The following CEP152 variants were observed in gnomAD, a reference collection of about 807,000 sequenced individuals.
CEP152 encodes centrosomal protein 152, also known as centrosomal protein of 152 kDa.
CEP152 carries 132 observed loss-of-function variants against 188.9 expected under a neutral mutation model. That is an observed-to-expected ratio of 0.70 (90% CI 0.61 to 0.81). The LOEUF (loss-of-function observed/expected upper bound fraction) is 0.81. Ranked by LOEUF, CEP152 falls within the 30% of genes least tolerant of loss-of-function variation. CEP152 has a pLI of 0.00. For missense variants in CEP152, 1,914 were observed against 1,969.8 expected (o/e 0.97, Z 0.54); for synonymous variants, 649 against 666.6 (o/e 0.97, Z 0.41).
rs1319225086 is a variant in CEP152, at chr15:48,784,026, A to C, written c.1268T>G (p.Leu423Trp). The change falls in exon 10 of 27, where the codon TTG (leucine) becomes TGG (tryptophan). Residue 423 changes from leucine to tryptophan, a missense_variant. Physicochemically the swap from Leu to Trp is moderately conservative, Grantham distance 61. Transcript: ENST00000380950. ...TTGACTCTCCTCTAGACTTCTTGTCAACTTATTAATGATCTCAGTCTTTTC... is the reference window on the plus strand; with the variant it reads ...TTGACTCTCCTCTAGACTTCTTGTCCACTTATTAATGATCTCAGTCTTTTC... ...KLEKTEIINK[L>W]TRSLEESQKQ... 5 of 1,613,844 alleles carry C rather than the reference A, an allele frequency of 3.1e-6. No homozygotes were observed. Among genetic ancestry groups the C allele is most frequent in the Non-Finnish European group, 4.2e-6 (5 of 1,179,904 alleles).
chr15:48,738,198 C>T lies in CEP152; in HGVS notation c.*51G>A, dbSNP rs531632293. Reference sequence around the variant, plus strand: ...AATTTTTTTCAGTATGAGGTCTTCCCTTCCATTTTTGTTAATATATTAATG... The same window carrying T: ...AATTTTTTTCAGTATGAGGTCTTCCTTTCCATTTTTGTTAATATATTAATG... On this transcript the variant is annotated 3_prime_UTR_variant, in exon 27 of 27. Transcript: ENST00000380950. 1,633 of 1,532,998 alleles carry T rather than the reference C, an allele frequency of 1.1e-3. 8 individuals carry two copies. Among genetic ancestry groups the T allele is most frequent in the Non-Finnish European group, 1.3e-3 (1,513 of 1,138,374 alleles). 95.0% of individuals were successfully genotyped at this position (1,532,998 alleles called of 1,614,324 possible).
At chr15:48,776,694 T>C (rs1011473301) in intron 12 of CEP152, among the ~76,000 whole-genome samples, 2 of 152,114 alleles carry the variant, frequency 1.3e-5, no homozygotes, top group African/African-American at 4.8e-5. Flanking sequence ...GATTTCAGAA[T>C]ATACTAGTAA....
intron 21 of CEP152, among the ~76,000 whole-genome samples, 161 bp from the exon 22 acceptor site, chr15:48,748,771 C>T (rs1343251404): frequency 6.6e-6 from 1 of 151,216 alleles, no homozygotes; most frequent in African/African-American, 2.4e-5. Flanking sequence ...CATGGGTTTA[C>T]ATATTGTTTC....
intron 15 of CEP152, 96 bp from the exon 16 acceptor site, chr15:48,767,559 T>C (rs913035885): frequency 6.5e-7 from 1 of 1,534,372 alleles, no homozygotes; most frequent in East Asian, 2.3e-5. Flanking sequence ...TTCCCTCTAA[T>C]GCAAATTATA....
chr15:48,772,018 G>C (rs532712654), intron 13 of CEP152, among the ~76,000 whole-genome samples: 1 of 152,120 alleles, frequency 6.6e-6, no homozygotes, highest in Admixed American at 6.5e-5. Context: ...CCTAAGTCAG[G>C]GACTGTCAGT....
intron 8 of CEP152, 106 bp from the exon 9 acceptor site, chr15:48,789,107 G>C (rs1399903810): frequency 5.8e-6 from 6 of 1,037,442 alleles, no homozygotes; most frequent in Non-Finnish European, 7.3e-6. Context: ...ACTCAAGCAT[G>C]TTTTAATGAG....
intron 10 of CEP152, among the ~76,000 whole-genome samples, chr15:48,782,816 T>G (rs1462447631): frequency 1.3e-5 from 2 of 152,144 alleles, no homozygotes; most frequent in Non-Finnish European, 2.9e-5. Context: ...TGGGAAATGA[T>G]TAAGTGAAGC....
chr15:48,799,942 T>A (rs1897571340), intron 2 of CEP152, among the ~76,000 whole-genome samples: 1 of 152,200 alleles, frequency 6.6e-6, no homozygotes, highest in African/African-American at 2.4e-5. Flanking sequence ...TATACTTACA[T>A]TAAGTAAAGA....
At chr15:48,753,266 T>C (rs1894009856) in intron 20 of CEP152, among the ~76,000 whole-genome samples, 1 of 152,206 alleles carries the variant, frequency 6.6e-6, no homozygotes, top group Non-Finnish European at 1.5e-5. Flanking sequence ...ACCCTCGTGA[T>C]CCGCCTGCTT....
intron 23 of CEP152, 93 bp downstream of exon 23, chr15:48,744,803 C>T: frequency 5.2e-6 from 6 of 1,156,294 alleles, no homozygotes; most frequent in Non-Finnish European, 7.3e-6. Context: ...ATACTTTTTG[C>T]TGTATAACAA....
At chr15:48,737,224 G>C (rs1005644987), downstream of CEP152, among the ~76,000 whole-genome samples, 6 of 152,152 alleles carry the variant, frequency 3.9e-5, no homozygotes, top group Non-Finnish European at 7.3e-5. Context: ...ATCTGGCTCT[G>C]GGTGGAAAAA....
At position 48,760,260 on chromosome 15, in the gene CEP152, T is replaced by G; in HGVS notation, c.2569A>C (p.Ile857Leu). ...HCENITKQVE[I>L]AVQNAHQRWL... ...CGCTGATGAGCATTTTGCACAGCTA[T>G]TTCTACCTGTAGGACATTGCAAAAG... The change falls in exon 19 of 27, where the codon ATA (isoleucine) becomes CTA (leucine). Residue 857 changes from isoleucine to leucine, a missense_variant. By Grantham distance (5) the Ile-to-Leu change is conservative. Coordinates refer to ENST00000380950, the MANE Select transcript of CEP152 (RefSeq NM_001194998.2). 1 of 1,614,036 alleles carries G rather than the reference T, an allele frequency of 6.2e-7. No homozygotes were observed. Among genetic ancestry groups the G allele is most frequent in the Non-Finnish European group, 8.5e-7 (1 of 1,179,948 alleles).
chr15:48,761,807 A>G (rs1894709018), intron 18 of CEP152, among the ~76,000 whole-genome samples: 1 of 152,200 alleles, frequency 6.6e-6, no homozygotes, highest in African/African-American at 2.4e-5. Flanking sequence ...TTCTGTCACA[A>G]TAGGCTGTAC....
intron 20 of CEP152, among the ~76,000 whole-genome samples, chr15:48,755,268 G>A: frequency 6.6e-6 from 1 of 152,100 alleles, no homozygotes; most frequent in East Asian, 1.9e-4. Flanking sequence ...TTTTATGCGA[G>A]TGAGTCGTAT....
intron 19 of CEP152, 66 bp from the exon 20 acceptor site, chr15:48,756,619 G>A: frequency 7.3e-6 from 11 of 1,497,322 alleles, no homozygotes; most frequent in African/African-American, 4.1e-5. Flanking sequence ...AAAAAATTAA[G>A]GTAACTATTT....
intron 7 of CEP152, 143 bp downstream of exon 7, chr15:48,793,178 G>A (rs965938134): frequency 2.0e-5 from 18 of 887,798 alleles, no homozygotes; most frequent in Non-Finnish European, 3.0e-5. Context: ...AGAAATCCTG[G>A]GTTTTGTTTT....
In CEP152 at chr15:48,756,227, T is replaced by C; in HGVS notation, c.3021A>G (p.Glu1007=). Residue 1007 remains glutamate (E), a synonymous_variant, in exon 20 of 27, where the codon GAA becomes GAG. Coordinates refer to ENST00000380950, the MANE Select transcript of CEP152 (RefSeq NM_001194998.2). ...AKEDFMKQKT[E]LLLQKETELQ... ...ATTCTGTCTCCTTCTGAAGAAGTAG[T>C]TCAGTTTTTTGTTTCATAAAGTCTT... 1 of 1,611,248 alleles carries C rather than the reference T, an allele frequency of 6.2e-7. No individual in the cohort carries two copies. The highest frequency in any genetic ancestry group is 1.1e-5 in the South Asian group (1 of 90,504).
rs544939662 is a variant in CEP152, at chr15:48,764,090, G to A, written c.2281-1418C>T. 3.9e-5 allele frequency among the ~76,000 whole-genome samples: 6 copies of A among 152,276 alleles called. No individual in the cohort carries two copies. The South Asian group carries it at 1.0e-3, about 26-fold the overall frequency. On this transcript the variant is annotated intron_variant, in intron 17 of 26. Transcript: ENST00000380950. The stretch of plus-strand genomic sequence containing the variant: ...ATAGCTCAATTCCAAAAGGTAAAAT[G>A]GATGATTATGTAAGTGCCTGGCAAA...
intron 12 of CEP152, among the ~76,000 whole-genome samples, chr15:48,776,514 T>G (rs1233923468): frequency 6.6e-6 from 1 of 152,104 alleles, no homozygotes; most frequent in Non-Finnish European, 1.5e-5. Flanking sequence ...TCTACTTCTT[T>G]AGGAAGTAAT....
Sources: gnomAD v4.1 joint callset for allele counts (sites outside exome capture counted in the v4.1 genomes callset) on GRCh38, gnomAD v4.1.1 for gene constraint, MANE v1.5 for transcripts, NCBI Gene and HGNC (gene_info 2026-07-23, HGNC 2026-07-21) for gene names.